The following EBF2 variants were observed in gnomAD, a reference collection of about 807,000 sequenced individuals.
EBF2 encodes the protein EBF transcription factor 2.
Under a neutral mutation model 72.8 loss-of-function variants are expected in EBF2, and 21 were observed. The ratio of observed to expected loss-of-function variants is 0.29; its 90% CI spans 0.20 to 0.42. The LOEUF (loss-of-function observed/expected upper bound fraction) is 0.42. EBF2 is among the 10% of genes least tolerant of loss of function. EBF2 has a pLI of 1.00. For synonymous variants in EBF2, 299 were observed against 274.2 expected, an observed-to-expected ratio of 1.09 and a Z score of -0.89; for missense variants, 637 against 731.2, an observed-to-expected ratio of 0.87 and a Z score of 1.49.
At chr8:25,932,424 C>T (rs1803500134) in intron 6 of EBF2, among the ~76,000 whole-genome samples, 1 of 150,930 alleles carries the variant, frequency 6.6e-6, no homozygotes, top group Non-Finnish European at 1.5e-5. Context: ...GCTACTGAAT[C>T]TGGAGCAGAC....
At chr8:25,985,099 G>A (rs1052868696) in intron 6 of EBF2, among the ~76,000 whole-genome samples, 17 of 152,288 alleles carry the variant, frequency 1.1e-4, no homozygotes, top group South Asian at 4.2e-4. Flanking sequence ...GGCATGGGCT[G>A]CAACCAGGAA....
intron 6 of EBF2, among the ~76,000 whole-genome samples, chr8:25,939,852 A>T (rs536500693): frequency 6.6e-6 from 1 of 152,328 alleles, no homozygotes; most frequent in South Asian, 2.1e-4. Flanking sequence ...AGTAGGTAGG[A>T]TTTACCAGGG....
In EBF2 at chr8:26,040,948, A is replaced by T. The variant is rs771447643; in HGVS notation, c.343T>A (p.Tyr115Asn). ...NGTHYKLQLL[Y>N]SNGVRTEQDL... is the part of the protein sequence containing the mutation. ...CTGTAGAAGAGCTCACCGTTGCTGT[A>T]GAGGAGCTGTAACTTGTAGTGAGTG... is the stretch of plus-strand genomic sequence containing the variant. Residue 115 changes from tyrosine (Y) to asparagine (N), a missense_variant, in exon 3 of 16, where the codon TAC becomes AAC. This residue lies in a region of EBF2 where 174 missense variants were observed against 161.9 expected (regional missense o/e 1.07). Transcript: ENST00000520164. 2 of 1,614,216 alleles carry T rather than the reference A, an allele frequency of 1.2e-6. No individual in the cohort carries two copies. Among genetic ancestry groups the T allele is most frequent in the Non-Finnish European group, 1.7e-6 (2 of 1,180,038 alleles).
At chr8:25,938,991 A>G (rs1803625965) in intron 6 of EBF2, among the ~76,000 whole-genome samples, 1 of 152,214 alleles carries the variant, frequency 6.6e-6, no homozygotes, top group South Asian at 2.1e-4. Context: ...GAACCCCTCC[A>G]TGGACAGTTA....
rs1805677760 is a variant in EBF2, at chr8:26,044,916, G to T, written c.-57C>A. 1.3e-6 allele frequency: 2 copies of T among 1,573,136 alleles called. No individual in the cohort carries two copies. Among genetic ancestry groups the T allele is most frequent in the East Asian group, 2.3e-5 (1 of 44,234 alleles). ...AAAGTAAGAGTTACAACACAGTCCT[G>T]ACTGTTCCCAACGTTGCCAGCAAAT... On this transcript the variant is annotated 5_prime_UTR_variant, in exon 1 of 16. Transcript: ENST00000520164. The surrounding 1 kb of genome is among the most constrained non-coding windows in gnomAD (Gnocchi z 4.1).
Position 25,879,049 on chromosome 8 carries a change from A to C in EBF2, c.1009+7706T>G, listed in dbSNP as rs547559590. On this transcript the variant is annotated intron_variant, in intron 10 of 15. Transcript: ENST00000520164. Reference sequence around the variant, plus strand: ...TATTAGATACAAGTAAGCAACATGAAAAAAATTTAAATAACAACAACACTG... The same window carrying C: ...TATTAGATACAAGTAAGCAACATGACAAAAATTTAAATAACAACAACACTG... Among the ~76,000 whole-genome samples the C allele has an allele frequency of 6.4e-4, 97 of 152,306 alleles. 1 individual carries two copies. Among genetic ancestry groups the C allele is most frequent in the African/African-American group, 2.3e-3 (95 of 41,566 alleles).
intron 15 of EBF2, among the ~76,000 whole-genome samples, chr8:25,848,212 G>A (rs1236666938): frequency 6.6e-6 from 1 of 152,092 alleles, no homozygotes; most frequent in African/African-American, 2.4e-5. Context: ...GGAGGGAACT[G>A]AAGGATTCAA....
intron 6 of EBF2, among the ~76,000 whole-genome samples, chr8:25,966,425 TTTC>T (rs1554476281): frequency 6.6e-6 from 1 of 152,170 alleles, no homozygotes; most frequent in Non-Finnish European, 1.5e-5. Flanking sequence ...AGGAAATCAC[TTTC>T]CGGACTCTAC....
intron 10 of EBF2, among the ~76,000 whole-genome samples, chr8:25,884,600 T>A (rs554115537): frequency 1.1e-3 from 161 of 152,320 alleles, no homozygotes; most frequent in African/African-American, 3.8e-3. Flanking sequence ...TTTATGAAGT[T>A]GGGGGACTTT....
chr8:25,917,160 G>T (rs570494189), intron 6 of EBF2, among the ~76,000 whole-genome samples: 27 of 150,602 alleles, frequency 1.8e-4, no homozygotes, highest in African/African-American at 6.6e-4. Flanking sequence ...AGGACCTGGG[G>T]TTAGATGTTG....
intron 10 of EBF2, among the ~76,000 whole-genome samples, chr8:25,881,251 C>T (rs1278476932): frequency 6.6e-6 from 1 of 152,222 alleles, no homozygotes; most frequent in African/African-American, 2.4e-5. Flanking sequence ...AAAAACAAGC[C>T]TTAATGTGAC....
intron 6 of EBF2, among the ~76,000 whole-genome samples, chr8:26,028,242 T>C (rs1339202569): frequency 6.6e-6 from 1 of 152,232 alleles, no homozygotes; most frequent in African/African-American, 2.4e-5. Flanking sequence ...TGAAGGTCAT[T>C]GTGTTGTTTG....
intron 6 of EBF2, among the ~76,000 whole-genome samples, chr8:25,937,495 T>C (rs1473052589): frequency 1.3e-5 from 2 of 152,196 alleles, no homozygotes; most frequent in African/African-American, 2.4e-5. Flanking sequence ...TAGAACATTA[T>C]AAAATGCCTA....
chr8:25,938,348 TTAA>T (rs1040675203), intron 6 of EBF2, among the ~76,000 whole-genome samples: 1 of 151,998 alleles, frequency 6.6e-6, no homozygotes, highest in African/African-American at 2.4e-5. Context: ...TTCCTTTGTG[TTAA>T]TGTTATTTTT....
chr8:26,039,971 G>A, intron 5 of EBF2, 57 bp downstream of exon 5: 1 of 1,584,722 alleles, frequency 6.3e-7, no homozygotes, highest in East Asian at 2.3e-5. Context: ...GCGCGCCAAG[G>A]CGGGGCTGGA....
intron 15 of EBF2, among the ~76,000 whole-genome samples, chr8:25,848,827 G>T (rs1346458573): frequency 6.6e-6 from 1 of 152,192 alleles, no homozygotes; most frequent in African/African-American, 2.4e-5. Context: ...TTGCCAGTAA[G>T]ACTTGCTGGG....
At chr8:25,906,791 C>A (rs1803040915) in intron 7 of EBF2, among the ~76,000 whole-genome samples, 1 of 151,432 alleles carries the variant, frequency 6.6e-6, no homozygotes, top group Admixed American at 6.6e-5. Context: ...AACAAACAAA[C>A]AAACAAAAAA....
intron 6 of EBF2, among the ~76,000 whole-genome samples, chr8:25,991,311 C>A (rs1294484077): frequency 6.6e-6 from 1 of 152,190 alleles, no homozygotes; most frequent in Non-Finnish European, 1.5e-5. Flanking sequence ...AAGAATATAT[C>A]ACAGAAATCC....
At chr8:25,888,001 T>C (rs1327346714) in intron 8 of EBF2, 29 bp from the exon 9 acceptor site, 1 of 1,586,222 alleles carries the variant, frequency 6.3e-7, no homozygotes, top group Non-Finnish European at 8.6e-7. Context: ...AAAAGTCAGG[T>C]TTGTTCTTTC....
Sources: allele counts gnomAD v4.1 joint callset (sites outside exome capture counted in the v4.1 genomes callset), GRCh38; gene constraint gnomAD v4.1.1; regional missense constraint gnomAD v4.1.1; non-coding constraint Gnocchi (gnomAD v3.1); transcripts MANE v1.5; gene names NCBI Gene and HGNC (gene_info 2026-07-23, HGNC 2026-07-21).